The following CAPSL variants were observed in gnomAD, a reference collection of about 807,000 sequenced individuals.
The protein encoded by CAPSL is calcyphosin-like protein.
Under a neutral mutation model 21.3 loss-of-function variants are expected in CAPSL, and 17 were observed. That is an observed-to-expected ratio of 0.80 (90% CI 0.55 to 1.20). CAPSL has a LOEUF of 1.20. Among genes scored for constraint, CAPSL ranks in the 50% most tolerant of loss-of-function variants. CAPSL has a pLI of 0.00. For synonymous variants in CAPSL, 102 were observed against 89.3 expected (o/e 1.14, Z -0.80); for missense variants, 289 against 259.3 (o/e 1.11, Z -0.79).
At chr5:35,913,970 A>C (rs891106670) in intron 2 of CAPSL, among the ~76,000 whole-genome samples, 3 of 152,140 alleles carry the variant, frequency 2.0e-5, no homozygotes, top group Non-Finnish European at 4.4e-5. Context: ...ACCCATCTCA[A>C]ATGCAGAGAC....
chr5:35,938,541 C>T lies in CAPSL; in HGVS notation c.-1G>A, dbSNP rs963955464. The T allele has an allele frequency of 1.3e-5, 2 of 152,934 alleles. No individual in the cohort carries two copies. Among genetic ancestry groups the T allele is most frequent in the African/African-American group, 4.8e-5 (2 of 41,398 alleles). 9.5% of individuals were successfully genotyped at this position (152,934 alleles called of 1,614,324 possible). A position where few individuals can be genotyped will look rare whatever the true frequency, so the allele number is the denominator to read the frequency against. Reference sequence around the variant, plus strand: ...AGAATAGATAAAAACATTGATTTACCTTAAATGCTAACCTTTTGCCACCAG... The same window carrying T: ...AGAATAGATAAAAACATTGATTTACTTTAAATGCTAACCTTTTGCCACCAG... On this transcript the variant is annotated splice_region_variant and 5_prime_UTR_variant, in exon 1 of 5. Coordinates refer to ENST00000651391, the MANE Select transcript of CAPSL (RefSeq NM_001042625.2).
At chr5:35,904,909 A>C (rs1760642219) in intron 4 of CAPSL, among the ~76,000 whole-genome samples, 1 of 152,168 alleles carries the variant, frequency 6.6e-6, no homozygotes, top group Admixed American at 6.5e-5. Context: ...TCTTTTGTCT[A>C]AGGGTGGGAG....
intron 1 of CAPSL, among the ~76,000 whole-genome samples, chr5:35,921,596 G>T (rs763749488): frequency 3.7e-4 from 56 of 152,266 alleles, no homozygotes; most frequent in Non-Finnish European, 7.1e-4. Context: ...CCAGTAATGG[G>T]TATGGTCTCC....
At chr5:35,915,299 C>T (rs1738347622) in intron 2 of CAPSL, among the ~76,000 whole-genome samples, 1 of 152,178 alleles carries the variant, frequency 6.6e-6, no homozygotes, top group East Asian at 1.9e-4. Flanking sequence ...GAACTGGTAC[C>T]ATTCCTTCTG....
rs1424955984 is a variant in CAPSL, at chr5:35,921,063, T to A, written c.58A>T (p.Thr20Ser). 3.1e-6 allele frequency: 5 copies of A among 1,613,980 alleles called. No homozygotes were observed. The Admixed American group carries it at 8.3e-5, about 27-fold the overall frequency. ...CTTTCAATGGGGTCGGTGGCCGTGG[T>A]GAGCTTTTTCTTGGCCTGGATCGCC... ...EMAIQAKKKL[T>S]TATDPIERLR... The change falls in exon 2 of 5, where the codon ACC becomes TCC. Residue 20 changes from threonine (T) to serine (S), a missense_variant. Coordinates refer to ENST00000651391, the MANE Select transcript of CAPSL (RefSeq NM_001042625.2).
intron 1 of CAPSL, among the ~76,000 whole-genome samples, chr5:35,937,496 C>T (rs1738981365): frequency 6.6e-6 from 1 of 152,194 alleles, no homozygotes; most frequent in Admixed American, 6.5e-5. Flanking sequence ...TCCTGTTGGC[C>T]CAGAGAAGTC....
chr5:35,912,067 T>C (rs1580881808), intron 2 of CAPSL, among the ~76,000 whole-genome samples: 2 of 152,300 alleles, frequency 1.3e-5, no homozygotes, highest in Non-Finnish European at 2.9e-5. Context: ...GATTATATCC[T>C]GCACCTGGCT....
At chr5:35,937,901 G>A (rs1288493168) in intron 1 of CAPSL, among the ~76,000 whole-genome samples, 1 of 151,394 alleles carries the variant, frequency 6.6e-6, no homozygotes, top group Non-Finnish European at 1.5e-5. Flanking sequence ...CCAGACTGAA[G>A]GCAATAGAGA....
chr5:35,913,042 A>G (rs919647909), intron 2 of CAPSL, among the ~76,000 whole-genome samples: 2 of 152,222 alleles, frequency 1.3e-5, no homozygotes, highest in Non-Finnish European at 2.9e-5. Context: ...AACCATGACA[A>G]GAGAACTACG....
chr5:35,930,872 G>A (rs1300674265), intron 1 of CAPSL, among the ~76,000 whole-genome samples: 1 of 152,108 alleles, frequency 6.6e-6, no homozygotes, highest in Non-Finnish European at 1.5e-5. Flanking sequence ...GGGACCCAAA[G>A]GAAAGTGCTG....
chr5:35,910,287 A>G (rs991533594), intron 3 of CAPSL, 79 bp downstream of exon 3: 63 of 1,481,494 alleles, frequency 4.3e-5, no homozygotes, highest in Non-Finnish European at 5.2e-5. Flanking sequence ...CAACTTGTAA[A>G]AACAAAACCT....
chr5:35,929,964 G>A (rs570806713), intron 1 of CAPSL, among the ~76,000 whole-genome samples: 1 of 151,890 alleles, frequency 6.6e-6, no homozygotes, highest in African/African-American at 2.4e-5. Context: ...GATGTGTGAG[G>A]GTTTTTAAAT....
At chr5:35,910,600 T>C in intron 2 of CAPSL, 57 bp from the exon 3 acceptor site, 2 of 1,296,766 alleles carry the variant, frequency 1.5e-6, no homozygotes, top group South Asian at 1.4e-5. Context: ...GGTGTAAGTG[T>C]AAAGATTAAA....
At chr5:35,930,829 A>C (rs149735087) in intron 1 of CAPSL, among the ~76,000 whole-genome samples, 163 of 152,242 alleles carry the variant, frequency 1.1e-3, no homozygotes, top group African/African-American at 3.8e-3. Flanking sequence ...TCCACTTTCT[A>C]CTGGGTAGGC....
At chr5:35,928,852 G>A (rs1738749367) in intron 1 of CAPSL, among the ~76,000 whole-genome samples, 1 of 152,128 alleles carries the variant, frequency 6.6e-6, no homozygotes, top group Non-Finnish European at 1.5e-5. Context: ...GACCACCGTG[G>A]GTGCTGTTGA....
chr5:35,921,185 T>G (rs1580889673), intron 1 of CAPSL, 65 bp from the exon 2 acceptor site: 1 of 1,564,416 alleles, frequency 6.4e-7, no homozygotes, highest in Non-Finnish European at 8.7e-7. Flanking sequence ...CTGGGCAGAG[T>G]GACAGAAGCC....
intron 4 of CAPSL, 29 bp downstream of exon 4, chr5:35,909,836 AT>A (rs767478589): frequency 6.4e-7 from 1 of 1,565,156 alleles, no homozygotes; most frequent in Non-Finnish European, 8.7e-7. Flanking sequence ...AATTGAAGAA[AT>A]TTCCCCTAGA....
At chr5:35,923,754 G>A (rs1246602169) in intron 1 of CAPSL, among the ~76,000 whole-genome samples, 1 of 148,636 alleles carries the variant, frequency 6.7e-6, no homozygotes, top group African/African-American at 2.4e-5. Flanking sequence ...GGGTGGGAGG[G>A]CCAGTGGGGA....
At chr5:35,910,573 GA>G in intron 2 of CAPSL, 30 bp from the exon 3 acceptor site, 1 of 1,493,002 alleles carries the variant, frequency 6.7e-7, no homozygotes, top group Non-Finnish European at 9.2e-7. Flanking sequence ...AAATTCAGAA[GA>G]AATGTACAAA....
Sources: allele counts gnomAD v4.1 joint callset (sites outside exome capture counted in the v4.1 genomes callset), GRCh38; gene constraint gnomAD v4.1.1; transcripts MANE v1.5; gene names NCBI Gene and HGNC (gene_info 2026-07-23, HGNC 2026-07-21).